HS3ST3B1: variants seen among roughly 807,000 people sequenced by gnomAD.
The protein encoded by HS3ST3B1 is heparan sulfate-glucosamine 3-sulfotransferase 3B1.
Under a neutral mutation model 21.3 loss-of-function variants are expected in HS3ST3B1, and 13 were observed. The ratio of observed to expected loss-of-function variants is 0.61; its 90% CI spans 0.40 to 0.97. The LOEUF is 0.97. Among genes scored for constraint, HS3ST3B1 ranks in the 50% least tolerant of loss-of-function variants. The pLI, the probability that HS3ST3B1 is intolerant of heterozygous loss-of-function variation, is 0.00. For synonymous variants in HS3ST3B1, 234 were observed against 254.8 expected (o/e 0.92, Z 0.78); for missense variants, 459 against 554.8 (o/e 0.83, Z 1.73).
intron 1 of HS3ST3B1, among the ~76,000 whole-genome samples, chr17:14,333,481 CA>C (rs140666601): frequency 6.7e-6 from 1 of 148,634 alleles, no homozygotes; most frequent in African/African-American, 2.5e-5. Context: ...AAAAAAACAA[CA>C]AAAAAAAACA....
chr17:14,339,581 C>T (rs1001337880), intron 1 of HS3ST3B1, among the ~76,000 whole-genome samples: 1 of 152,196 alleles, frequency 6.6e-6, no homozygotes, highest in Non-Finnish European at 1.5e-5. Context: ...CACCCTCTCT[C>T]CTTTAGACTC....
chr17:14,344,325 C>T (rs961051716), intron 1 of HS3ST3B1, among the ~76,000 whole-genome samples: 1 of 152,102 alleles, frequency 6.6e-6, no homozygotes, highest in Non-Finnish European at 1.5e-5. Flanking sequence ...TTTGGGGTAC[C>T]GTTGATCCCA....
At chr17:14,302,732 G>A (rs1908980744) in intron 1 of HS3ST3B1, among the ~76,000 whole-genome samples, 1 of 152,064 alleles carries the variant, frequency 6.6e-6, no homozygotes, top group Non-Finnish European at 1.5e-5. Context: ...AGCTGTGCTG[G>A]TCCCTGTCGG....
At chr17:14,330,800 C>T (rs1012882111) in intron 1 of HS3ST3B1, among the ~76,000 whole-genome samples, 4 of 152,106 alleles carry the variant, frequency 2.6e-5, no homozygotes, top group African/African-American at 9.7e-5. Context: ...AAGCTGCTTG[C>T]TGGAGGAATG....
intron 1 of HS3ST3B1, among the ~76,000 whole-genome samples, chr17:14,339,185 C>A (rs114612125): frequency 0.01 from 1,569 of 152,082 alleles, 38 homozygotes; most frequent in African/African-American, 0.035. Context: ...GAAGAAGAGG[C>A]GGGGCCAGGG....
rs1410449538 is a variant in HS3ST3B1, at chr17:14,315,927, T to C, written c.554+13855T>C. 5.9e-5 allele frequency among the ~76,000 whole-genome samples: 9 copies of C among 152,246 alleles called. No individual in the cohort carries two copies. The East Asian group carries it at 1.7e-3, about 29-fold the overall frequency. Reference sequence around the variant, plus strand: ...AGCTAAAAACAAAACAAAACAAATTTATAAATTAAAGTAAATAAATGTTTG... The same window carrying C: ...AGCTAAAAACAAAACAAAACAAATTCATAAATTAAAGTAAATAAATGTTTG... On this transcript the variant is annotated intron_variant, in intron 1 of 1. Coordinates refer to ENST00000360954, the MANE Select transcript of HS3ST3B1 (RefSeq NM_006041.3).
chr17:14,324,476 C>T (rs1162606640), intron 1 of HS3ST3B1, among the ~76,000 whole-genome samples: 3 of 152,150 alleles, frequency 2.0e-5, no homozygotes, highest in Non-Finnish European at 4.4e-5. Context: ...GTCTCGAACT[C>T]CTGGCCCCAA....
Position 14,345,970 on chromosome 17 carries a change from C to G in HS3ST3B1, c.*324C>G. The G allele has an allele frequency of 4.0e-6, 1 of 250,912 alleles. No homozygotes were observed. Among genetic ancestry groups the G allele is most frequent in the Non-Finnish European group, 7.6e-6 (1 of 132,178 alleles). The allele number at this position is 250,912 out of a possible 1,614,324, so 15.5% of individuals were successfully genotyped here. A position where few individuals can be genotyped will look rare whatever the true frequency, so the allele number is the denominator to read the frequency against. On this transcript the variant is annotated 3_prime_UTR_variant, in exon 2 of 2. Coordinates refer to ENST00000360954, the MANE Select transcript of HS3ST3B1 (RefSeq NM_006041.3). ...CGGGTATTCAGCCTTCAGTCACCGTCTGAGTTCTCCAGTTGCTGCCTCCTT... is the reference window on the plus strand; with the variant it reads ...CGGGTATTCAGCCTTCAGTCACCGTGTGAGTTCTCCAGTTGCTGCCTCCTT...
intron 1 of HS3ST3B1, among the ~76,000 whole-genome samples, chr17:14,338,249 C>T (rs1321166371): frequency 3.3e-5 from 5 of 151,502 alleles, no homozygotes; most frequent in African/African-American, 7.3e-5. Flanking sequence ...CCTCAGCCTC[C>T]GGAGTGACTG....
At chr17:14,329,367 A>AAGAAAGAAAGAAAGGGAAGG (rs1555549453) in intron 1 of HS3ST3B1, 2 of 106,192 alleles carry the variant, frequency 1.9e-5, no homozygotes, top group African/African-American at 7.4e-5. Context: ...GAAAGAAAGA[A>AAGAAAGAAAGAAAGGGAAGG]AAGGAAGGAA....
intron 1 of HS3ST3B1, chr17:14,304,461 C>G (rs1281593232): frequency 6.6e-6 from 1 of 152,238 alleles, no homozygotes; most frequent in Non-Finnish European, 1.5e-5. Flanking sequence ...ATGTTGATTA[C>G]TTAAGAAAAA....
chr17:14,343,847 A>G (rs1318084178), intron 1 of HS3ST3B1, among the ~76,000 whole-genome samples: 1 of 152,034 alleles, frequency 6.6e-6, no homozygotes, highest in Non-Finnish European at 1.5e-5. Flanking sequence ...ATTCCTGTGT[A>G]TATCTATCCA....
chr17:14,318,216 A>C (rs927400433), intron 1 of HS3ST3B1, among the ~76,000 whole-genome samples: 18 of 152,100 alleles, frequency 1.2e-4, no homozygotes, highest in Non-Finnish European at 2.2e-4. Flanking sequence ...CTCCAGCCCG[A>C]TGGTGTGGAG....
chr17:14,303,700 A>C lies in HS3ST3B1; in HGVS notation c.554+1628A>C, dbSNP rs1473743539. 5.3e-5 allele frequency among the ~76,000 whole-genome samples: 8 copies of C among 152,108 alleles called. No individual in the cohort carries two copies. The highest frequency in any genetic ancestry group is 5.2e-4 in the Admixed American group (8 of 15,272). The stretch of plus-strand genomic sequence containing the variant: ...CTCGCAGGCACGTGAGGGCCTCTCT[A>C]ATCGTTAGCTATTGTCACCGATTGT... On this transcript the variant is annotated intron_variant, in intron 1 of 1. Coordinates refer to ENST00000360954, the MANE Select transcript of HS3ST3B1 (RefSeq NM_006041.3). The surrounding 1 kb of genome is among the most constrained non-coding windows in gnomAD (Gnocchi z 5.7).
chr17:14,335,344 T>C (rs1183416634), intron 1 of HS3ST3B1, among the ~76,000 whole-genome samples: 1 of 152,102 alleles, frequency 6.6e-6, no homozygotes, highest in Admixed American at 6.6e-5. Context: ...GGAGCAGATA[T>C]CTTCAAAAAA....
intron 1 of HS3ST3B1, among the ~76,000 whole-genome samples, chr17:14,302,355 C>T (rs1324798170): frequency 3.9e-5 from 6 of 152,194 alleles, no homozygotes; most frequent in Non-Finnish European, 7.3e-5. Context: ...ACTGAGACCG[C>T]CCTCAGCAAA....
intron 1 of HS3ST3B1, among the ~76,000 whole-genome samples, chr17:14,323,403 A>G (rs1909716456): frequency 6.6e-6 from 1 of 152,182 alleles, no homozygotes; most frequent in African/African-American, 2.4e-5. Context: ...ACAAGTGAAG[A>G]ATCATGTATC....
At chr17:14,311,885 T>C (rs1159850349) in intron 1 of HS3ST3B1, among the ~76,000 whole-genome samples, 1 of 152,198 alleles carries the variant, frequency 6.6e-6, no homozygotes, top group African/African-American at 2.4e-5. Context: ...CGAGGAGATC[T>C]GTAGGCAATT....
intron 1 of HS3ST3B1, among the ~76,000 whole-genome samples, chr17:14,338,446 T>C (rs1304050428): frequency 6.7e-6 from 1 of 150,126 alleles, no homozygotes; most frequent in East Asian, 2.0e-4. Context: ...TTTGTTTTGG[T>C]TTGTTTGTTT....
Sources: allele counts gnomAD v4.1 joint callset (sites outside exome capture counted in the v4.1 genomes callset), GRCh38; gene constraint gnomAD v4.1.1; non-coding constraint Gnocchi (gnomAD v3.1); transcripts MANE v1.5; gene names NCBI Gene and HGNC (gene_info 2026-07-23, HGNC 2026-07-21).